Variants in ASXL1 observed in about 807,000 individuals in gnomAD.
ASXL1 encodes the protein ASXL transcriptional regulator 1.
In ASXL1, 65 loss-of-function variants were observed where a neutral mutation model predicts 89.1. That is an observed-to-expected ratio of 0.73 (90% CI 0.60 to 0.90). The LOEUF (loss-of-function observed/expected upper bound fraction) is 0.90, where lower values mean the gene tolerates loss of function less well. Among genes scored for constraint, ASXL1 ranks in the 40% least tolerant of loss-of-function variants. ASXL1 has a pLI of 0.00. For synonymous variants in ASXL1, 739 were observed against 746.9 expected (o/e 0.99, Z 0.17); for missense variants, 1,786 against 1,942.9 (o/e 0.92, Z 1.52).
At chr20:32,433,199 T>G (rs2123250267) in intron 11 of ASXL1, 85 bp from the exon 12 acceptor site, 1 of 1,591,200 alleles carries the variant, frequency 6.3e-7, no homozygotes. Context: ...CTGAGATATC[T>G]GTGTTTCTGG....
At chr20:32,359,651 G>C in intron 1 of ASXL1, 1 of 716,830 alleles carries the variant, frequency 1.4e-6, no homozygotes, top group African/African-American at 1.7e-5. Context: ...ATGTATGTTG[G>C]ACAAAGACAA....
At chr20:32,384,198 GTTTTTTTTT>G (rs71187115) in intron 4 of ASXL1, among the ~76,000 whole-genome samples, 22 of 77,304 alleles carry the variant, frequency 2.8e-4, no homozygotes, top group African/African-American at 9.9e-4. Flanking sequence ...GCAGCAGTCT[GTTTTTTTTT>G]TTTTTTTTTT....
chr20:32,429,932 C>G lies in ASXL1; in HGVS notation c.597C>G (p.Ser199Arg), dbSNP rs774775836. The G allele has an allele frequency of 1.1e-5, 17 of 1,607,802 alleles. No homozygotes were observed. Among genetic ancestry groups the G allele is most frequent in the Non-Finnish European group, 1.4e-5 (17 of 1,179,470 alleles). Residue 199 changes from serine (S) to arginine (R), a missense_variant, in exon 8 of 13, where the codon AGC (serine) becomes AGG (arginine). Transcript: ENST00000375687. This position sits in a 1 kb window ranked among gnomAD's most constrained non-coding sequence, Gnocchi z 4.9. ...GFSGCHADGE[S>R]GSPSSSSSGS... is the part of the protein sequence containing the mutation. Reference sequence around the variant, plus strand: ...CGGGCTGCCACGCCGATGGCGAGAGCGGCAGCCCGTCCAGCAGCAGCAGCG... The same window carrying G: ...CGGGCTGCCACGCCGATGGCGAGAGGGGCAGCCCGTCCAGCAGCAGCAGCG...
chr20:32,367,783 T>A (rs1435996123), intron 3 of ASXL1, 54 bp downstream of exon 3: 5 of 780,090 alleles, frequency 6.4e-6, no homozygotes, highest in Non-Finnish European at 1.2e-5. Context: ...TTGTTTCTGC[T>A]TCTTGTTCTT....
At chr20:32,364,391 A>AT (rs1250236417) in intron 1 of ASXL1, among the ~76,000 whole-genome samples, 7 of 151,584 alleles carry the variant, frequency 4.6e-5, no homozygotes, top group Non-Finnish European at 8.8e-5. Context: ...AGTTTTTTGT[A>AT]TTTTTTTGTA....
intron 4 of ASXL1, among the ~76,000 whole-genome samples, chr20:32,416,764 G>T (rs1455221915): frequency 6.6e-6 from 1 of 152,136 alleles, no homozygotes; most frequent in East Asian, 1.9e-4. Context: ...GGCTCTTTCT[G>T]TGGGGGTTAG....
At chr20:32,370,413 C>CA (rs74271758) in intron 4 of ASXL1, among the ~76,000 whole-genome samples, 162 of 134,804 alleles carry the variant, frequency 1.2e-3, no homozygotes, top group Middle Eastern at 3.7e-3. Context: ...GGCTGTGTTC[C>CA]AAAAAAAAAA....
chr20:32,421,237 T>TA lies in ASXL1; in HGVS notation c.253-6878dup, dbSNP rs899918507. On this transcript the variant is annotated intron_variant, in intron 4 of 12. Transcript: ENST00000375687. Reference sequence around the variant, plus strand: ...GTATCCCAGAACTTAAAGTAAAATTTAAAAAAAAAAAAACTTCAAAAAAAA... The same window carrying TA: ...GTATCCCAGAACTTAAAGTAAAATTTAAAAAAAAAAAAAACTTCAAAAAAAA... 5.9e-3 allele frequency among the ~76,000 whole-genome samples: 869 copies of TA among 147,676 alleles called. 9 individuals are homozygous for TA. Among genetic ancestry groups the TA allele is most frequent in the African/African-American group, 0.02 (801 of 39,804 alleles).
At chr20:32,365,793 C>T (rs1395381964) in intron 1 of ASXL1, among the ~76,000 whole-genome samples, 3 of 152,134 alleles carry the variant, frequency 2.0e-5, no homozygotes, top group East Asian at 1.9e-4. Context: ...GCAGAACGTA[C>T]TGTGGCAGTT....
intron 4 of ASXL1, among the ~76,000 whole-genome samples, chr20:32,424,364 A>G (rs547065054): frequency 3.4e-4 from 52 of 152,244 alleles, no homozygotes; most frequent in African/African-American, 1.2e-3. Context: ...GTGAAACCCC[A>G]TATCTACTAA....
intron 4 of ASXL1, among the ~76,000 whole-genome samples, chr20:32,423,090 TAG>T (rs1004554128): frequency 6.6e-6 from 1 of 152,122 alleles, no homozygotes; most frequent in African/African-American, 2.4e-5. Context: ...GTCAAACTTA[TAG>T]AGTTTATATG....
Position 32,433,509 on chromosome 20 carries a change from G to T in ASXL1, c.1311G>T (p.Lys437Asn). ...AGTCAGAACAAGCAGGGGTTGCTAAGGATGCAAAATCTGTGGCCTCAGATG... is the reference window on the plus strand; with the variant it reads ...AGTCAGAACAAGCAGGGGTTGCTAATGATGCAAAATCTGTGGCCTCAGATG... ...KQESEQAGVA[K>N]DAKSVASDVP... is the part of the protein sequence containing the mutation. The change falls in exon 12 of 13, where the codon AAG becomes AAT. Residue 437 changes from lysine (K) to asparagine (N), a missense_variant. Transcript: ENST00000375687. 1.2e-6 allele frequency: 2 copies of T among 1,614,186 alleles called. No individual in the cohort carries two copies. Among genetic ancestry groups the T allele is most frequent in the South Asian group, 2.2e-5 (2 of 91,090 alleles).
intron 4 of ASXL1, among the ~76,000 whole-genome samples, chr20:32,384,198 G>GGTT (rs1314229691): frequency 7.8e-5 from 6 of 77,304 alleles, no homozygotes; most frequent in African/African-American, 2.4e-4. Context: ...GCAGCAGTCT[G>GGTT]TTTTTTTTTT....
chr20:32,382,016 C>T (rs1420590441), intron 4 of ASXL1, among the ~76,000 whole-genome samples: 3 of 140,708 alleles, frequency 2.1e-5, no homozygotes, highest in Non-Finnish European at 3.0e-5. Context: ...AGTGCAATGG[C>T]GCGATCTCAG....
chr20:32,362,167 C>G (rs2048124611), intron 1 of ASXL1, among the ~76,000 whole-genome samples: 1 of 152,190 alleles, frequency 6.6e-6, no homozygotes, highest in African/African-American at 2.4e-5. Flanking sequence ...CTGAGAGAAA[C>G]TTGACTAGGA....
chr20:32,414,415 T>TA (rs1329082189), intron 4 of ASXL1, among the ~76,000 whole-genome samples: 3 of 152,022 alleles, frequency 2.0e-5, no homozygotes, highest in African/African-American at 7.2e-5. Context: ...TTTATTTTTT[T>TA]AAAAAAATAT....
chr20:32,388,126 C>G (rs1243513186), intron 4 of ASXL1, among the ~76,000 whole-genome samples: 1 of 152,034 alleles, frequency 6.6e-6, no homozygotes, highest in Non-Finnish European at 1.5e-5. Context: ...AACTGGTCTC[C>G]TTCCTTCCAT....
At chr20:32,433,945 C>G (rs2011628785) in intron 12 of ASXL1, 28 bp downstream of exon 12, 1 of 1,610,968 alleles carries the variant, frequency 6.2e-7, no homozygotes, top group Non-Finnish European at 8.5e-7. Context: ...TCCTGGCTGC[C>G]CTGGAGCCAG....
intron 4 of ASXL1, among the ~76,000 whole-genome samples, chr20:32,386,629 G>C (rs8126139): frequency 0.33 from 50,603 of 151,784 alleles, 9,933 homozygotes; most frequent in Middle Eastern, 0.52. Flanking sequence ...TGTTGACCAG[G>C]CTGGTCTCAA....
Sources: allele counts gnomAD v4.1 joint callset (sites outside exome capture counted in the v4.1 genomes callset), GRCh38; gene constraint gnomAD v4.1.1; non-coding constraint Gnocchi (gnomAD v3.1); transcripts MANE v1.5; gene names NCBI Gene and HGNC (gene_info 2026-07-23, HGNC 2026-07-21).